ADGRG4: variants seen among roughly 807,000 people sequenced by gnomAD.
ADGRG4 encodes the protein G protein-coupled receptor 112.
Under a neutral mutation model 126.2 loss-of-function variants are expected in ADGRG4, and 122 were observed. That is an observed-to-expected ratio of 0.97 (90% confidence interval 0.83 to 1.12). ADGRG4 has a LOEUF of 1.12. Among genes scored for constraint, ADGRG4 ranks in the 50% most tolerant of loss-of-function variants. The probability of loss-of-function intolerance (pLI) is 0.00; values close to 1 mark genes in which losing one functional copy is unlikely to be tolerated. For missense variants in ADGRG4, 2,481 were observed against 2,251.8 expected (o/e 1.10, Z -2.06); for synonymous variants, 943 against 838.7 (o/e 1.12, Z -2.15).
At chrX:136,327,524 A>G (rs1423208208) in intron 5 of ADGRG4, among the ~76,000 whole-genome samples, 1 of 108,609 alleles carries the variant, frequency 9.2e-6, no homozygotes, top group Non-Finnish European at 1.9e-5. Context: ...AACTTGATTT[A>G]TTTTAACTTA....
intron 13 of ADGRG4, among the ~76,000 whole-genome samples, chrX:136,364,707 T>C (rs753175791): frequency 2.7e-5 from 3 of 112,380 alleles, no homozygotes; most frequent in South Asian, 7.3e-4. Flanking sequence ...AAGCAGCTGA[T>C]ATAGAAGGTT....
intron 4 of ADGRG4, among the ~76,000 whole-genome samples, chrX:136,318,006 A>G (rs909634308): frequency 8.9e-6 from 1 of 112,534 alleles, no homozygotes; most frequent in Non-Finnish European, 1.9e-5. Context: ...AGTGAAACAT[A>G]GAGTTACTAT....
At chrX:136,379,515 C>G (rs772387466) in intron 15 of ADGRG4, among the ~76,000 whole-genome samples, 1 of 104,790 alleles carries the variant, frequency 9.5e-6, no homozygotes, top group Non-Finnish European at 2.0e-5. Context: ...TCCCTCTCTT[C>G]TCCTCTCCTC....
chrX:136,388,636 C>A (rs189479726), intron 16 of ADGRG4, among the ~76,000 whole-genome samples: 40 of 112,098 alleles, frequency 3.6e-4, no homozygotes, highest in Non-Finnish European at 6.9e-4. Context: ...TTATTAGTAT[C>A]CTGTCTTAGG....
intron 3 of ADGRG4, among the ~76,000 whole-genome samples, chrX:136,305,442 G>C (rs2074727366): frequency 1.8e-5 from 2 of 111,892 alleles, no homozygotes; most frequent in African/African-American, 6.5e-5. Flanking sequence ...AAGTTCAGAG[G>C]CTGACAGGGA....
At chrX:136,371,743 T>C (rs950423647) in intron 14 of ADGRG4, among the ~76,000 whole-genome samples, 199 bp downstream of exon 14, 5 of 111,604 alleles carry the variant, frequency 4.5e-5, no homozygotes, top group African/African-American at 1.6e-4. Context: ...AACAAGGATT[T>C]ACATAGCATT....
At position 136,347,102 on chromosome X, in the gene ADGRG4, A is replaced by C; in HGVS notation, c.3396A>C (p.Ser1132=). Residue 1132 remains serine (S), a synonymous_variant, in exon 6 of 26, where the codon TCA becomes TCC. Coordinates refer to ENST00000394143, the MANE Select transcript of ADGRG4 (RefSeq NM_153834.4). ...CTGAGACCACCCTTTTCTCTACCTCAGTTGATACAGTAACCCCATCTACAC... is the reference window on the plus strand; with the variant it reads ...CTGAGACCACCCTTTTCTCTACCTCCGTTGATACAGTAACCCCATCTACAC... ...AKAETTLFST[S]VDTVTPSTHT... is the part of the protein sequence containing the mutation. 8.3e-7 allele frequency: 1 copy of C among 1,208,189 alleles called. No homozygotes were observed. The highest frequency in any genetic ancestry group is 1.1e-6 in the Non-Finnish European group (1 of 893,333).
intron 13 of ADGRG4, among the ~76,000 whole-genome samples, chrX:136,366,020 T>C (rs981287136): frequency 8.9e-6 from 1 of 112,300 alleles, no homozygotes; most frequent in East Asian, 2.8e-4. Context: ...TACAATTGAA[T>C]GTACACTGAC....
chrX:136,342,318 T>C (rs1416850033), intron 5 of ADGRG4, among the ~76,000 whole-genome samples: 1 of 112,048 alleles, frequency 8.9e-6, no homozygotes, highest in African/African-American at 3.2e-5. Flanking sequence ...TATTCAGTTA[T>C]TCTATTAGCT....
chrX:136,396,946 AC>A (rs1228339936), intron 19 of ADGRG4, among the ~76,000 whole-genome samples: 2 of 109,538 alleles, frequency 1.8e-5, no homozygotes, highest in East Asian at 5.8e-4. Flanking sequence ...CCACCACCAC[AC>A]CCAGCTAACT....
At chrX:136,342,919 T>TGAGAGA (rs769681519) in intron 5 of ADGRG4, among the ~76,000 whole-genome samples, 821 of 81,948 alleles carry the variant, frequency 0.01, 7 homozygotes, top group African/African-American at 0.035. Flanking sequence ...TGTGTGTGTG[T>TGAGAGA]GTGAGAGAGA....
chrX:136,324,272 T>A (rs1178089969), intron 5 of ADGRG4, among the ~76,000 whole-genome samples: 1 of 112,202 alleles, frequency 8.9e-6, no homozygotes, highest in African/African-American at 3.2e-5. Flanking sequence ...CCCAATAGGT[T>A]TTACATCTAT....
chrX:136,330,680 T>C (rs913542815), intron 5 of ADGRG4, among the ~76,000 whole-genome samples: 9 of 111,686 alleles, frequency 8.1e-5, no homozygotes, highest in African/African-American at 2.9e-4. Flanking sequence ...TTTAGTTTTT[T>C]TCTTAATTTA....
In ADGRG4 at chrX:136,345,924, T is replaced by G; in HGVS notation, c.2218T>G (p.Ser740Ala). 2.5e-6 allele frequency: 3 copies of G among 1,210,382 alleles called. No homozygotes were observed. The highest frequency in any genetic ancestry group is 3.4e-6 in the Non-Finnish European group (3 of 894,327). The change falls in exon 6 of 26, where the codon TCC becomes GCC. Residue 740 changes from serine to alanine, a missense_variant. Physicochemically the swap from Ser to Ala is moderately conservative, Grantham distance 99 (BLOSUM62 1). Coordinates refer to ENST00000394143, the MANE Select transcript of ADGRG4 (RefSeq NM_153834.4). The stretch of plus-strand genomic sequence containing the variant: ...GACATCACCATGGTTTGCTAATTTC[T>G]CCATAGTTTCTGGAACCACATCCAT... Reference protein sequence around the residue: ...KLTSPWFANFSIVSGTTSITN... With the variant: ...KLTSPWFANFAIVSGTTSITN...
chrX:136,370,203 A>G (rs1213264310), intron 13 of ADGRG4, among the ~76,000 whole-genome samples: 1 of 112,050 alleles, frequency 8.9e-6, no homozygotes, highest in Non-Finnish European at 1.9e-5. Context: ...TATTTGTAGT[A>G]TAACCTGGGT....
At chrX:136,371,790 A>G (rs1015846814) in intron 14 of ADGRG4, among the ~76,000 whole-genome samples, 1 of 111,801 alleles carries the variant, frequency 8.9e-6, no homozygotes, top group African/African-American at 3.2e-5. Flanking sequence ...TCTAGAGATG[A>G]TTTAAAATAT....
chrX:136,381,484 C>T (rs1157648299), intron 15 of ADGRG4, among the ~76,000 whole-genome samples: 6 of 111,276 alleles, frequency 5.4e-5, no homozygotes. Flanking sequence ...CAAACTCAGC[C>T]TCTCAAAGTG....
In ADGRG4 at chrX:136,346,619, A is replaced by G; in HGVS notation, c.2913A>G (p.Thr971=). ...IFGEPLGAST[T]RISETSFSTT... is the part of the protein sequence containing the mutation. The stretch of plus-strand genomic sequence containing the variant: ...GTGAACCCCTGGGTGCTTCTACCAC[A>G]AGGATATCAGAAACCAGTTTCTCCA... The change falls in exon 6 of 26, where the codon ACA becomes ACG. Residue 971 remains threonine, a synonymous_variant. Transcript: ENST00000394143. The G allele has an allele frequency of 8.3e-7, 1 of 1,210,367 alleles. No individual in the cohort carries two copies. Among genetic ancestry groups the G allele is most frequent in the Non-Finnish European group, 1.1e-6 (1 of 894,288 alleles).
chrX:136,410,755 A>G, intron 23 of ADGRG4, among the ~76,000 whole-genome samples: 1 of 111,955 alleles, frequency 8.9e-6, no homozygotes, highest in Non-Finnish European at 1.9e-5. Flanking sequence ...AAAGGGCAAA[A>G]TGACATAAAT....
Sources: gnomAD v4.1 joint callset for allele counts (sites outside exome capture counted in the v4.1 genomes callset) on GRCh38, gnomAD v4.1.1 for gene constraint, MANE v1.5 for transcripts, NCBI Gene and HGNC (gene_info 2026-07-23, HGNC 2026-07-21) for gene names.